CDKAL1: variants seen among roughly 807,000 people sequenced by gnomAD.
CDKAL1 encodes the protein threonylcarbamoyladenosine tRNA methylthiotransferase.
In CDKAL1, 32 loss-of-function variants were observed where a neutral mutation model predicts 68.2. The observed-to-expected ratio is 0.47, with a 90% CI of 0.35 to 0.63. The LOEUF is 0.63. Ranked by LOEUF, CDKAL1 falls within the 30% of genes least tolerant of loss-of-function variation. The pLI is 0.00. For missense variants in CDKAL1, 606 were observed against 696.7 expected, an observed-to-expected ratio of 0.87 and a Z score of 1.47; for synonymous variants, 234 against 244.3, an observed-to-expected ratio of 0.96 and a Z score of 0.39.
intron 5 of CDKAL1, among the ~76,000 whole-genome samples, chr6:20,677,597 G>A (rs1167826782): frequency 6.6e-6 from 1 of 152,028 alleles, no homozygotes; most frequent in Non-Finnish European, 1.5e-5. Context: ...TGTATTTTTA[G>A]TAGAGACAGA....
chr6:21,119,101 C>T (rs976218690), intron 13 of CDKAL1, among the ~76,000 whole-genome samples: 8 of 152,178 alleles, frequency 5.3e-5, no homozygotes, highest in Admixed American at 6.5e-5. Flanking sequence ...CTCTCCCCTT[C>T]GTCCCGACCA....
At chr6:20,897,100 A>G (rs1761729541) in intron 9 of CDKAL1, among the ~76,000 whole-genome samples, 1 of 152,176 alleles carries the variant, frequency 6.6e-6, no homozygotes, top group East Asian at 1.9e-4. Context: ...CTTGCCTTCA[A>G]AAATGGTCCC....
chr6:20,959,437 G>C (rs868390522), intron 10 of CDKAL1, among the ~76,000 whole-genome samples: 1 of 151,966 alleles, frequency 6.6e-6, no homozygotes, highest in African/African-American at 2.4e-5. Flanking sequence ...AGTCCCTATT[G>C]CCTAAAGGAT....
At chr6:21,191,008 AAG>A (rs1239905571) in intron 13 of CDKAL1, among the ~76,000 whole-genome samples, 1 of 152,240 alleles carries the variant, frequency 6.6e-6, no homozygotes, top group East Asian at 1.9e-4. Flanking sequence ...TTTATGTTTA[AAG>A]CCATATATGA....
At chr6:20,622,773 C>A (rs1569658) in intron 4 of CDKAL1, among the ~76,000 whole-genome samples, 74,033 of 151,570 alleles carry the variant, frequency 0.49, 18,245 homozygotes, top group East Asian at 0.64. Flanking sequence ...CCCCTAAAGC[C>A]TTTCCACTCT....
At chr6:20,698,388 G>A (rs923109289) in intron 5 of CDKAL1, among the ~76,000 whole-genome samples, 8 of 152,190 alleles carry the variant, frequency 5.3e-5, no homozygotes, top group Middle Eastern at 3.4e-3. Flanking sequence ...GTACATTCCC[G>A]TTAACTCAAT....
intron 5 of CDKAL1, among the ~76,000 whole-genome samples, chr6:20,724,937 C>G (rs139600681): frequency 7.0e-4 from 107 of 152,194 alleles, no homozygotes; most frequent in Non-Finnish European, 1.3e-3. Flanking sequence ...TTCCCTACCC[C>G]AGAATGTAGA....
chr6:20,639,426 G>A (rs1768061628), intron 4 of CDKAL1, among the ~76,000 whole-genome samples: 1 of 152,238 alleles, frequency 6.6e-6, no homozygotes, highest in Non-Finnish European at 1.5e-5. Context: ...CTCTTTGTCA[G>A]TGTCTTCCTA....
chr6:20,791,080 C>G (rs567062923), intron 8 of CDKAL1, among the ~76,000 whole-genome samples: 1 of 152,272 alleles, frequency 6.6e-6, no homozygotes, highest in Admixed American at 6.5e-5. Flanking sequence ...TTTAAACTGT[C>G]TTTGGTTTGA....
intron 5 of CDKAL1, among the ~76,000 whole-genome samples, chr6:20,699,529 T>G (rs1771250610): frequency 6.6e-6 from 1 of 152,040 alleles, no homozygotes; most frequent in Non-Finnish European, 1.5e-5. Context: ...TTGAGTAGGT[T>G]TTGAACTACC....
At chr6:21,031,271 A>C (rs1239987310) in intron 11 of CDKAL1, among the ~76,000 whole-genome samples, 1 of 151,598 alleles carries the variant, frequency 6.6e-6, no homozygotes, top group African/African-American at 2.4e-5. Context: ...ATCGTTTACA[A>C]CATGGGTGTC....
At chr6:20,787,042 C>G (rs969007088) in intron 8 of CDKAL1, among the ~76,000 whole-genome samples, 5 of 152,106 alleles carry the variant, frequency 3.3e-5, no homozygotes, top group East Asian at 1.9e-4. Context: ...ATACTCCTAT[C>G]AGATTATCCT....
At chr6:20,935,478 G>C (rs1763660818) in intron 9 of CDKAL1, among the ~76,000 whole-genome samples, 1 of 150,248 alleles carries the variant, frequency 6.7e-6, no homozygotes, top group Non-Finnish European at 1.5e-5. Flanking sequence ...GCCCAGGCTA[G>C]AGTGCTGTGG....
intron 12 of CDKAL1, among the ~76,000 whole-genome samples, chr6:21,078,304 G>T (rs1202260108): frequency 6.6e-6 from 1 of 152,188 alleles, no homozygotes; most frequent in Non-Finnish European, 1.5e-5. Flanking sequence ...GTATCACTAG[G>T]TGACACATGC....
chr6:20,714,666 CT>C (rs1307687333), intron 5 of CDKAL1, among the ~76,000 whole-genome samples: 1 of 151,874 alleles, frequency 6.6e-6, no homozygotes, highest in South Asian at 2.1e-4. Context: ...GACATTTTTT[CT>C]TTTTTCACTG....
chr6:20,706,327 G>GA lies in CDKAL1; in HGVS notation c.372-33186dup, dbSNP rs537980388. Among the ~76,000 whole-genome samples, 22 of 152,172 alleles carry GA rather than the reference G, an allele frequency of 1.4e-4. No homozygotes were observed. The East Asian group carries it at 3.9e-3, about 27-fold the overall frequency. ...ATAGGGTGAAATAGAAGAAGGGGAA[G>GA]AAAAAATCTCTCAGTCTAACTTCTT... On this transcript the variant is annotated intron_variant, in intron 5 of 15. Transcript: ENST00000274695.
chr6:20,850,257 A>G (rs1349013768), intron 9 of CDKAL1, among the ~76,000 whole-genome samples: 2 of 152,138 alleles, frequency 1.3e-5, no homozygotes, highest in East Asian at 3.9e-4. Context: ...ATGGGAGTTA[A>G]ATTTCCCATC....
At position 21,076,351 on chromosome 6, in the gene CDKAL1, A is replaced by G. The variant is rs564891118; in HGVS notation, c.1236+11123A>G. 2.4e-4 allele frequency among the ~76,000 whole-genome samples: 36 copies of G among 152,330 alleles called. 2 individuals carry two copies. Among genetic ancestry groups the G allele is most frequent in the African/African-American group, 8.7e-4 (36 of 41,582 alleles). Reference sequence around the variant, plus strand: ...AATCTAGCTGCCAGTGGGTCAAGGAATATTTTATTTTTCACACACACACAG... The same window carrying G: ...AATCTAGCTGCCAGTGGGTCAAGGAGTATTTTATTTTTCACACACACACAG... On this transcript the variant is annotated intron_variant, in intron 12 of 15. Coordinates refer to ENST00000274695, the MANE Select transcript of CDKAL1 (RefSeq NM_017774.3).
At chr6:21,011,624 A>G (rs757671585) in intron 11 of CDKAL1, among the ~76,000 whole-genome samples, 9 of 152,206 alleles carry the variant, frequency 5.9e-5, no homozygotes, top group Non-Finnish European at 1.0e-4. Context: ...GTAGATGTTT[A>G]TAAGCCAGAA....
Sources: allele counts gnomAD v4.1 joint callset (sites outside exome capture counted in the v4.1 genomes callset), GRCh38; gene constraint gnomAD v4.1.1; transcripts MANE v1.5; gene names NCBI Gene and HGNC (gene_info 2026-07-23, HGNC 2026-07-21).